DENND1B: variants seen among roughly 807,000 people sequenced by gnomAD.
DENND1B encodes the protein DENN domain containing 1B.
In DENND1B, 59 loss-of-function variants were observed where a neutral mutation model predicts 90.1. That is an observed-to-expected ratio of 0.65 (90% confidence interval 0.53 to 0.81). The LOEUF is 0.81. DENND1B is among the 40% of genes least tolerant of loss of function. DENND1B has a pLI of 0.00. For synonymous variants in DENND1B, 337 were observed against 324.6 expected (o/e 1.04, Z -0.41); for missense variants, 862 against 912.6 (o/e 0.94, Z 0.71).
chr1:197,669,168 AT>A (rs1418605497), intron 5 of DENND1B, among the ~76,000 whole-genome samples: 4 of 152,096 alleles, frequency 2.6e-5, no homozygotes, highest in Non-Finnish European at 5.9e-5. Context: ...AGATTTTATT[AT>A]ACTTGTCACC....
Position 197,511,729 on chromosome 1 carries a change from G to A in DENND1B, c.1814C>T (p.Thr605Met), listed in dbSNP as rs200671323. 21 of 1,590,572 alleles carry A rather than the reference G, an allele frequency of 1.3e-5. No individual in the cohort carries two copies. Among genetic ancestry groups the A allele is most frequent in the East Asian group, 4.5e-5 (2 of 44,610 alleles). Residue 605 changes from threonine to methionine, a missense_variant and splice_region_variant, in exon 22 of 23, where the codon ACG (threonine) becomes ATG (methionine). Transcript: ENST00000620048. ...RSMDDIDYKP[T>M]NKSNAPSENN... is the part of the protein sequence containing the mutation. ...ATAAGTAAAAAAAAATCTACTAACC[G>A]TAGGTTTGTAATCAATGTCATCCAT...
intron 2 of DENND1B, among the ~76,000 whole-genome samples, chr1:197,770,914 A>T (rs1656508967): frequency 7.3e-6 from 1 of 136,400 alleles, no homozygotes; most frequent in African/African-American, 2.7e-5. Context: ...ATCTATATAG[A>T]TTTTTTTTTT....
chr1:197,568,848 T>C (rs1174540500), intron 15 of DENND1B, among the ~76,000 whole-genome samples: 1 of 151,936 alleles, frequency 6.6e-6, no homozygotes, highest in African/African-American at 2.4e-5. Flanking sequence ...CCTGAAACCA[T>C]AAAACTACAA....
At chr1:197,546,811 T>C (rs1670848334) in intron 16 of DENND1B, 38 bp from the exon 17 acceptor site, 5 of 1,519,310 alleles carry the variant, frequency 3.3e-6, no homozygotes, top group Non-Finnish European at 4.4e-6. Context: ...GAATGGTTGA[T>C]CAAAAATAAA....
chr1:197,597,845 T>C (rs1193977591), intron 13 of DENND1B, among the ~76,000 whole-genome samples: 3 of 151,846 alleles, frequency 2.0e-5, no homozygotes, highest in Non-Finnish European at 4.4e-5. Flanking sequence ...CACTTGATAT[T>C]TGACTTGTCT....
intron 2 of DENND1B, among the ~76,000 whole-genome samples, chr1:197,761,439 AC>A (rs1313630351): frequency 6.6e-6 from 1 of 152,168 alleles, no homozygotes; most frequent in Non-Finnish European, 1.5e-5. Flanking sequence ...TAATGCATAG[AC>A]CTTGAGGACA....
At chr1:197,627,203 A>G (rs1188542971) in intron 10 of DENND1B, among the ~76,000 whole-genome samples, 1 of 152,138 alleles carries the variant, frequency 6.6e-6, no homozygotes, top group East Asian at 1.9e-4. Context: ...CCTGATACCA[A>G]AGCCGGGCAG....
chr1:197,756,843 A>C (rs954817958), intron 2 of DENND1B, among the ~76,000 whole-genome samples: 3 of 151,528 alleles, frequency 2.0e-5, no homozygotes, highest in Non-Finnish European at 4.4e-5. Flanking sequence ...AAAGGGAAAG[A>C]AATATTTGCA....
chr1:197,756,836 G>A lies in DENND1B; in HGVS notation c.82+16032C>T, dbSNP rs1205425469. Among the ~76,000 whole-genome samples, 4 of 151,324 alleles carry A rather than the reference G, an allele frequency of 2.6e-5. No homozygotes were observed. The South Asian group carries it at 8.3e-4, about 31-fold the overall frequency. The stretch of plus-strand genomic sequence containing the variant: ...ATTAAAGAAAATACTATGCCTGAAA[G>A]GGAAAGAAATATTTGCATAAATGTA... On this transcript the variant is annotated intron_variant, in intron 2 of 22. Coordinates refer to ENST00000620048, the MANE Select transcript of DENND1B (RefSeq NM_001195215.2).
At chr1:197,774,335 T>A (rs1656997174) in intron 1 of DENND1B, among the ~76,000 whole-genome samples, 1 of 152,206 alleles carries the variant, frequency 6.6e-6, no homozygotes, top group African/African-American at 2.4e-5. Flanking sequence ...ATGGCATTAT[T>A]TTAAACTTTT....
intron 16 of DENND1B, among the ~76,000 whole-genome samples, chr1:197,551,520 C>T (rs1671239650): frequency 6.6e-6 from 1 of 152,096 alleles, no homozygotes; most frequent in Non-Finnish European, 1.5e-5. Context: ...AACAATAAGG[C>T]TTTTCGTGAA....
At chr1:197,553,334 T>C (rs1671414031) in intron 15 of DENND1B, among the ~76,000 whole-genome samples, 4 of 152,086 alleles carry the variant, frequency 2.6e-5, no homozygotes, top group Admixed American at 2.6e-4. Context: ...ATTAATTAAA[T>C]TGCAAATGTA....
At chr1:197,760,124 A>C (rs145147066) in intron 2 of DENND1B, among the ~76,000 whole-genome samples, 392 of 152,344 alleles carry the variant, frequency 2.6e-3, no homozygotes, top group African/African-American at 8.9e-3. Context: ...AGATGACTAG[A>C]AAGCAATTCT....
intron 3 of DENND1B, among the ~76,000 whole-genome samples, chr1:197,695,053 A>C (rs936215054): frequency 1.5e-4 from 22 of 151,274 alleles, no homozygotes; most frequent in Non-Finnish European, 2.5e-4. Context: ...GTTTGCATTA[A>C]AATTTTAAAA....
chr1:197,539,906 T>C lies in DENND1B; in HGVS notation c.1515+58A>G, dbSNP rs1234506981. ...GGATCCAAATTGTTCCTAAATAATT[T>C]ACTGGAATTATATAATTTGAGAATG... On this transcript the variant is annotated intron_variant, in intron 20 of 22. Transcript: ENST00000620048. The C allele has an allele frequency of 3.7e-6, 5 of 1,357,240 alleles. No individual in the cohort carries two copies. In the Admixed American group the frequency reaches 9.6e-5, roughly 26 times the overall value. 84.1% of individuals were successfully genotyped at this position (1,357,240 alleles called of 1,614,324 possible).
intron 15 of DENND1B, among the ~76,000 whole-genome samples, chr1:197,563,737 T>A (rs192680100): frequency 5.1e-4 from 78 of 152,134 alleles, no homozygotes; most frequent in Admixed American, 1.4e-3. Context: ...CCATAGGTAG[T>A]TATTCTTCCA....
chr1:197,609,725 G>A (rs1558302727), intron 12 of DENND1B, among the ~76,000 whole-genome samples: 2 of 148,708 alleles, frequency 1.3e-5, no homozygotes, highest in Admixed American at 6.7e-5. Context: ...AGCAAAAACC[G>A]CAATTGATTT....
At chr1:197,773,434 G>T (rs1273320327) in intron 1 of DENND1B, among the ~76,000 whole-genome samples, 2 of 152,182 alleles carry the variant, frequency 1.3e-5, no homozygotes, top group Non-Finnish European at 2.9e-5. Context: ...CACCTGCCAA[G>T]TTCTAGATCA....
At chr1:197,540,762 C>A (rs935236945) in intron 19 of DENND1B, among the ~76,000 whole-genome samples, 197 bp downstream of exon 19, 1 of 152,056 alleles carries the variant, frequency 6.6e-6, no homozygotes, top group African/African-American at 2.4e-5. Flanking sequence ...AATATTCAAA[C>A]AGTAAAGAGA....
Sources: allele counts gnomAD v4.1 joint callset (sites outside exome capture counted in the v4.1 genomes callset), GRCh38; gene constraint gnomAD v4.1.1; transcripts MANE v1.5; gene names NCBI Gene and HGNC (gene_info 2026-07-23, HGNC 2026-07-21).